Variants in CYP46A1 observed in about 807,000 individuals in gnomAD.
The protein encoded by CYP46A1 is cytochrome P450 family 46 subfamily A member 1.
CYP46A1 carries 20 observed loss-of-function variants against 63.3 expected under a neutral mutation model. The ratio of observed to expected loss-of-function variants is 0.32; its 90% CI spans 0.22 to 0.46. CYP46A1 has a LOEUF of 0.46. CYP46A1 is among the 20% of genes least tolerant of loss of function. The probability of loss-of-function intolerance (pLI) is 1.00; values close to 1 mark genes in which losing one functional copy is unlikely to be tolerated. For synonymous variants in CYP46A1, 268 were observed against 273.6 expected (o/e 0.98, Z 0.20); for missense variants, 445 against 670.8 (o/e 0.66, Z 3.72).
Position 99,715,180 on chromosome 14 carries a change from G to A in CYP46A1, c.694-630G>A, listed in dbSNP as rs185793624. ...AACACAAATGATAAATGTTTGAGGT[G>A]ATGAATATCCTAAATATGCTGATTT... On this transcript the variant is annotated intron_variant, in intron 7 of 14. Coordinates refer to ENST00000261835, the MANE Select transcript of CYP46A1 (RefSeq NM_006668.2). Among the ~76,000 whole-genome samples the A allele has an allele frequency of 9.2e-5, 14 of 152,304 alleles. No homozygotes were observed. In the East Asian group the frequency reaches 2.3e-3, roughly 25 times the overall value.
intron 12 of CYP46A1, among the ~76,000 whole-genome samples, chr14:99,723,750 TTAAG>T (rs1226465108): frequency 3.3e-5 from 5 of 152,246 alleles, no homozygotes; most frequent in Non-Finnish European, 5.9e-5. Context: ...TTTGTCTTGT[TTAAG>T]AAATCCTTCT....
intron 7 of CYP46A1, 76 bp downstream of exon 7, chr14:99,707,754 G>GC: frequency 9.0e-7 from 1 of 1,105,106 alleles, no homozygotes; most frequent in Non-Finnish European, 1.3e-6. Context: ...CTCCTTCAGT[G>GC]ATTTTTTTTT....
intron 1 of CYP46A1, among the ~76,000 whole-genome samples, chr14:99,687,242 G>A (rs2056502286): frequency 6.6e-6 from 1 of 152,196 alleles, no homozygotes; most frequent in South Asian, 2.1e-4. Flanking sequence ...TTATTTCTCT[G>A]TCACTGTTCT....
intron 3 of CYP46A1, among the ~76,000 whole-genome samples, chr14:99,692,520 CAA>C (rs899672702): frequency 3.4e-5 from 5 of 147,720 alleles, no homozygotes; most frequent in African/African-American, 1.3e-4. Context: ...GCCTGGGTGA[CAA>C]GAGTGAAACT....
At chr14:99,712,927 G>A (rs2056748101) in intron 7 of CYP46A1, 2 of 152,140 alleles carry the variant, frequency 1.3e-5, no homozygotes, top group South Asian at 4.1e-4. Context: ...AAAACAGCAT[G>A]GTATTGGTTT....
chr14:99,705,610 T>C (rs1244652671), intron 5 of CYP46A1, among the ~76,000 whole-genome samples: 2 of 152,250 alleles, frequency 1.3e-5, no homozygotes, highest in Admixed American at 1.3e-4. Context: ...ATGTACTCTT[T>C]ACTCAGATTA....
Position 99,691,000 on chromosome 14 carries a change from C to T in CYP46A1, c.120-81C>T, listed in dbSNP as rs1347539102. 3 of 1,340,554 alleles carry T rather than the reference C, an allele frequency of 2.2e-6. No individual in the cohort carries two copies. In the East Asian group the frequency reaches 6.9e-5, roughly 31 times the overall value. 83.0% of individuals were successfully genotyped at this position (1,340,554 alleles called of 1,614,324 possible). On this transcript the variant is annotated intron_variant, in intron 1 of 14. Coordinates refer to ENST00000261835, the MANE Select transcript of CYP46A1 (RefSeq NM_006668.2). ...TCGGTCCTCCTGTCTGTGAAGTGGG[C>T]CTAGTAATAAGATCTTGTGGGGAAG...
chr14:99,696,199 T>A (rs1220597561), intron 3 of CYP46A1, among the ~76,000 whole-genome samples: 1 of 152,214 alleles, frequency 6.6e-6, no homozygotes, highest in African/African-American at 2.4e-5. Flanking sequence ...TTGTTCCCTT[T>A]TCCTCCTTTC....
At chr14:99,698,220 G>A (rs1378833825) in intron 3 of CYP46A1, among the ~76,000 whole-genome samples, 1 of 152,058 alleles carries the variant, frequency 6.6e-6, no homozygotes, top group Non-Finnish European at 1.5e-5. Context: ...AGCCCAGAGG[G>A]CAGGCCTCTG....
intron 14 of CYP46A1, 46 bp downstream of exon 14, chr14:99,726,302 G>T (rs374809700): frequency 1.3e-5 from 20 of 1,589,238 alleles, no homozygotes; most frequent in Non-Finnish European, 1.6e-5. Context: ...AGCTGCAGGG[G>T]TGGGGGCTCA....
chr14:99,715,873 G>A lies in CYP46A1; in HGVS notation c.757G>A (p.Val253Met). ...GGAGAGCATTCGCTTCCTGCGCCAGGTGGGCAGGGACTGGGTCCAGCGCCG... is the reference window on the plus strand; with the variant it reads ...GGAGAGCATTCGCTTCCTGCGCCAGATGGGCAGGGACTGGGTCCAGCGCCG... ...VRESIRFLRQ[V>M]GRDWVQRRRE... is the part of the protein sequence containing the mutation. Residue 253 changes from valine (V) to methionine (M), a missense_variant, in exon 8 of 15, where the codon GTG becomes ATG. Transcript: ENST00000261835. The A allele has an allele frequency of 1.2e-6, 2 of 1,614,132 alleles. No individual in the cohort carries two copies. Among genetic ancestry groups the A allele is most frequent in the South Asian group, 2.2e-5 (2 of 91,072 alleles).
rs867160123 is a variant in CYP46A1 at position 99,685,101 on chromosome 14, C to T, written c.119+565C>T. Among the ~76,000 whole-genome samples, 12 of 122,706 alleles carry T rather than the reference C, an allele frequency of 9.8e-5. No individual in the cohort carries two copies. The South Asian group carries it at 1.0e-3, about 10-fold the overall frequency. The allele number at this position is 122,706 out of a possible 152,430, so 80.5% of individuals were successfully genotyped here. A position where few individuals can be genotyped will look rare whatever the true frequency, so the allele number is the denominator to read the frequency against. Reference sequence around the variant, plus strand: ...CTCAACTTGCCAACCCCCCCCCACCCCCAGCTTAGCTTTGTGAAGCTTAAA... The same window carrying T: ...CTCAACTTGCCAACCCCCCCCCACCTCCAGCTTAGCTTTGTGAAGCTTAAA... On this transcript the variant is annotated intron_variant, in intron 1 of 14. Coordinates refer to ENST00000261835, the MANE Select transcript of CYP46A1 (RefSeq NM_006668.2).
chr14:99,691,444 G>A, intron 2 of CYP46A1: 1 of 580,736 alleles, frequency 1.7e-6, no homozygotes, highest in Admixed American at 3.1e-5. Flanking sequence ...AACAGTCATT[G>A]TTTGGTGTGT....
rs751871147 is a variant in CYP46A1, at chr14:99,706,652, T to C, written c.449T>C (p.Leu150Ser). 1.2e-6 allele frequency: 2 copies of C among 1,613,834 alleles called. No homozygotes were observed. The highest frequency in any genetic ancestry group is 1.7e-6 in the Non-Finnish European group (2 of 1,179,970). ...TGCCTGTGCTGTTTCTCCAGCTCCT[T>C]GGTTAGCTTAATGGAAACATTCAAC... is the stretch of plus-strand genomic sequence containing the variant. ...VIDLAFSRSS[L>S]VSLMETFNEK... The change falls in exon 6 of 15, where the codon TTG becomes TCG. Residue 150 changes from leucine to serine, a missense_variant. By Grantham distance (145) the Leu-to-Ser change is moderately radical. Around this residue, in one of 4 missense-constraint regions of CYP46A1, gnomAD observed 252 missense variants for 383.3 expected, o/e 0.66. Coordinates refer to ENST00000261835, the MANE Select transcript of CYP46A1 (RefSeq NM_006668.2).
Position 99,725,196 on chromosome 14 carries a change from TC to T in CYP46A1, c.1177-191del, listed in dbSNP as rs200009120. Among the ~76,000 whole-genome samples, 942 of 151,740 alleles carry T rather than the reference TC, an allele frequency of 6.2e-3. 9 individuals carry two copies. Among genetic ancestry groups the T allele is most frequent in the African/African-American group, 0.021 (882 of 41,330 alleles). Reference sequence around the variant, plus strand: ...TACGCCCAGCTGGCACAGTCAACTGTCCCCGCTCTTCCTCTTAAGGGATTTT... The same window carrying T: ...TACGCCCAGCTGGCACAGTCAACTGTCCCGCTCTTCCTCTTAAGGGATTTT... On this transcript the variant is annotated intron_variant, in intron 12 of 14. Transcript: ENST00000261835. This position sits in a 1 kb window ranked among gnomAD's most constrained non-coding sequence, Gnocchi z 4.2.
At chr14:99,718,697 T>C (rs1196068515) in intron 10 of CYP46A1, among the ~76,000 whole-genome samples, 2 of 152,092 alleles carry the variant, frequency 1.3e-5, no homozygotes, top group Non-Finnish European at 2.9e-5. Context: ...GTCAAAGCTC[T>C]CTGAATGCAC....
intron 10 of CYP46A1, 87 bp from the exon 11 acceptor site, chr14:99,721,152 C>T (rs1223874297): frequency 6.5e-6 from 6 of 923,180 alleles, no homozygotes; most frequent in Non-Finnish European, 9.0e-6. Context: ...TCTCTTCACG[C>T]TTCCTTCCAG....
rs371696839 is a variant in CYP46A1 at position 99,726,640 on chromosome 14, G to A, written c.1416G>A (p.Glu472=). The A allele has an allele frequency of 3.1e-5, 49 of 1,560,574 alleles. No homozygotes were observed. In the African/African-American group the frequency reaches 5.4e-4, roughly 17 times the overall value. ...CCGGGCAGCGCTTCGGGCTGCAGGA[G>A]CAGGCCACACTCAAGCCACTGGACC... is the stretch of plus-strand genomic sequence containing the variant. ...LVPGQRFGLQ[E]QATLKPLDPV... The change falls in exon 15 of 15, where the codon GAG becomes GAA. Residue 472 remains glutamate, a synonymous_variant. Coordinates refer to ENST00000261835, the MANE Select transcript of CYP46A1 (RefSeq NM_006668.2).
Position 99,691,761 on chromosome 14 carries a change from G to C in CYP46A1, c.201-19G>C, listed in dbSNP as rs368649611. 1 of 1,613,710 alleles carries C rather than the reference G, an allele frequency of 6.2e-7. No individual in the cohort carries two copies. Among genetic ancestry groups the C allele is most frequent in the East Asian group, 2.2e-5 (1 of 44,876 alleles). ...CCTCAGGTGGTTGACAGTTTCCTTC[G>C]GGTCACTTTGGTTTCCAGGGCTAAG... On this transcript the variant is annotated intron_variant, in intron 2 of 14. Transcript: ENST00000261835.
Sources: allele counts gnomAD v4.1 joint callset (sites outside exome capture counted in the v4.1 genomes callset), GRCh38; gene constraint gnomAD v4.1.1; regional missense constraint gnomAD v4.1.1; non-coding constraint Gnocchi (gnomAD v3.1); transcripts MANE v1.5; gene names NCBI Gene and HGNC (gene_info 2026-07-23, HGNC 2026-07-21).